ARL6IP6: variants seen among roughly 807,000 people sequenced by gnomAD.
ARL6IP6 encodes ADP-ribosylation factor-like protein 6-interacting protein 6.
A neutral mutation model predicts 21.5 loss-of-function variants in ARL6IP6; 22 were observed. That is an observed-to-expected ratio of 1.02 (90% CI 0.73 to 1.46). ARL6IP6 has a LOEUF of 1.46. ARL6IP6 is among the 40% of genes most tolerant of loss of function. The pLI is 0.00. For synonymous variants in ARL6IP6, 164 were observed against 125.3 expected, an observed-to-expected ratio of 1.31 and a Z score of -2.06; for missense variants, 388 against 299.8, an observed-to-expected ratio of 1.29 and a Z score of -2.17.
chr2:152,750,474 C>CAA (rs932942369), intron 3 of ARL6IP6, among the ~76,000 whole-genome samples: 4 of 66,076 alleles, frequency 6.1e-5, no homozygotes, highest in Admixed American at 1.8e-4. Flanking sequence ...AGACTCTGTC[C>CAA]AAAAAAAAAA....
At chr2:152,717,708 G>T, upstream of ARL6IP6, 1 of 1,381,732 alleles carries the variant, frequency 7.2e-7, no homozygotes, top group Non-Finnish European at 9.4e-7. Flanking sequence ...AACTTCCCCA[G>T]GGGAAGGGAA....
upstream of ARL6IP6, chr2:152,717,711 G>T (rs892378782): frequency 7.3e-6 from 10 of 1,378,490 alleles, no homozygotes; most frequent in Non-Finnish European, 9.4e-6. Context: ...TTCCCCAGGG[G>T]AAGGGAAGAC....
intron 2 of ARL6IP6, among the ~76,000 whole-genome samples, chr2:152,725,476 G>GA (rs759572611): frequency 4.8e-4 from 72 of 149,428 alleles, no homozygotes; most frequent in South Asian, 2.3e-3. Context: ...AGGTGATTTG[G>GA]AAAAAAAAAT....
At chr2:152,726,456 T>C (rs1176269122) in intron 2 of ARL6IP6, among the ~76,000 whole-genome samples, 2 of 152,214 alleles carry the variant, frequency 1.3e-5, no homozygotes, top group African/African-American at 4.8e-5. Context: ...AAAGAGACAC[T>C]TTGCTCTAGG....
chr2:152,752,659 CT>C (rs1325683534), intron 3 of ARL6IP6, among the ~76,000 whole-genome samples: 8 of 152,152 alleles, frequency 5.3e-5, no homozygotes, highest in African/African-American at 1.9e-4. Flanking sequence ...TGCCTCTCAT[CT>C]GGATGAAGGA....
chr2:152,742,966 C>T (rs116162466), intron 3 of ARL6IP6, among the ~76,000 whole-genome samples: 216 of 152,268 alleles, frequency 1.4e-3, no homozygotes, highest in African/African-American at 4.8e-3. Context: ...GCTAACTTAC[C>T]TCCTCTGCAT....
At chr2:152,717,874 C>G (rs1699231460), upstream of ARL6IP6, 13 of 1,056,374 alleles carry the variant, frequency 1.2e-5, no homozygotes, top group South Asian at 3.7e-4. Flanking sequence ...GGGTAAGCAG[C>G]CTGTAGTGTT....
chr2:152,744,370 G>C (rs79288922), intron 3 of ARL6IP6, among the ~76,000 whole-genome samples: 1,671 of 152,102 alleles, frequency 0.011, 26 homozygotes, highest in African/African-American at 0.039. Flanking sequence ...CTATTTTATA[G>C]AAGTCAGCAT....
chr2:152,743,491 G>A (rs1447717654), intron 3 of ARL6IP6, among the ~76,000 whole-genome samples: 1 of 152,146 alleles, frequency 6.6e-6, no homozygotes, highest in East Asian at 1.9e-4. Context: ...TTCTTGGCAA[G>A]TAAAGTTGGT....
At chr2:152,756,972 C>T (rs59833360) in intron 3 of ARL6IP6, among the ~76,000 whole-genome samples, 6,325 of 152,124 alleles carry the variant, frequency 0.042, 275 homozygotes, top group African/African-American at 0.11. Flanking sequence ...GTTCATAGTA[C>T]CTGTATGTAT....
intron 2 of ARL6IP6, among the ~76,000 whole-genome samples, chr2:152,730,553 C>T (rs1295267143): frequency 6.6e-6 from 1 of 151,662 alleles, no homozygotes; most frequent in Non-Finnish European, 1.5e-5. Flanking sequence ...TTTTTTTACC[C>T]TCTATCCTGA....
chr2:152,744,762 A>G (rs74592314), intron 3 of ARL6IP6, among the ~76,000 whole-genome samples: 1,734 of 152,210 alleles, frequency 0.011, 39 homozygotes, highest in African/African-American at 0.039. Context: ...CAGACACTCA[A>G]TTTTAGAAAA....
At chr2:152,718,330 C>T, upstream of ARL6IP6, 1 of 332,378 alleles carries the variant, frequency 3.0e-6, no homozygotes, top group Non-Finnish European at 5.2e-6. Flanking sequence ...GGACGAAGCC[C>T]CGCAGGGAGT....
At chr2:152,728,409 A>AT (rs1700144761) in intron 2 of ARL6IP6, among the ~76,000 whole-genome samples, 1 of 152,176 alleles carries the variant, frequency 6.6e-6, no homozygotes, top group African/African-American at 2.4e-5. Context: ...TATTCTGATT[A>AT]TATATAATAT....
chr2:152,755,459 C>G (rs1413731273), intron 3 of ARL6IP6, among the ~76,000 whole-genome samples: 7 of 152,202 alleles, frequency 4.6e-5, no homozygotes. Context: ...CACCCACTTT[C>G]ATGTTCCATC....
At chr2:152,744,697 T>G (rs1700968969) in intron 3 of ARL6IP6, among the ~76,000 whole-genome samples, 3 of 152,160 alleles carry the variant, frequency 2.0e-5, no homozygotes, top group Admixed American at 2.0e-4. Context: ...CACTATGAAT[T>G]ATCCATCTTT....
intron 3 of ARL6IP6, among the ~76,000 whole-genome samples, chr2:152,757,778 T>C (rs756763954): frequency 3.3e-5 from 5 of 152,236 alleles, no homozygotes; most frequent in Non-Finnish European, 7.3e-5. Flanking sequence ...ACATTTGAGA[T>C]GACAAAGACT....
intron 2 of ARL6IP6, among the ~76,000 whole-genome samples, chr2:152,732,106 A>G (rs759652770): frequency 6.6e-6 from 1 of 152,008 alleles, no homozygotes; most frequent in Non-Finnish European, 1.5e-5. Context: ...ACAATCTTGT[A>G]TATACATCAT....
chr2:152,724,518 C>T (rs1699944364), intron 2 of ARL6IP6, among the ~76,000 whole-genome samples: 1 of 152,144 alleles, frequency 6.6e-6, no homozygotes, highest in African/African-American at 2.4e-5. Context: ...AAGAATTAGC[C>T]ATGTGCAGCT....
Sources: allele counts gnomAD v4.1 joint callset (sites outside exome capture counted in the v4.1 genomes callset), GRCh38; gene constraint gnomAD v4.1.1; transcripts MANE v1.5; gene names NCBI Gene and HGNC (gene_info 2026-07-23, HGNC 2026-07-21).